The following NRXN1 variants were observed in gnomAD, a reference collection of about 807,000 sequenced individuals.
NRXN1 encodes neurexin 1.
NRXN1 carries 39 observed loss-of-function variants against 150.9 expected under a neutral mutation model. That is an observed-to-expected ratio of 0.26 (90% confidence interval 0.20 to 0.34). The LOEUF (loss-of-function observed/expected upper bound fraction) is 0.34. Ranked by LOEUF, NRXN1 falls within the 10% of genes least tolerant of loss-of-function variation. The probability of loss-of-function intolerance (pLI) is 1.00; values close to 1 mark genes in which losing one functional copy is unlikely to be tolerated. For missense variants in NRXN1, 1,815 were observed against 1,949.9 expected (o/e 0.93, Z 1.30); for synonymous variants, 924 against 757.0 (o/e 1.22, Z -3.62).
At chr2:50,578,297 C>G (rs1037918129) in intron 8 of NRXN1, among the ~76,000 whole-genome samples, 1 of 152,138 alleles carries the variant, frequency 6.6e-6, no homozygotes, top group African/African-American at 2.4e-5. Context: ...CGGAAAGGCT[C>G]AGTTCCAGAA....
intron 18 of NRXN1, among the ~76,000 whole-genome samples, chr2:50,130,907 C>T (rs779483548): frequency 6.6e-6 from 1 of 152,020 alleles, no homozygotes; most frequent in Non-Finnish European, 1.5e-5. Flanking sequence ...AATTCTTTTC[C>T]GGATGTAACG....
chr2:50,586,480 C>G (rs558743713), intron 8 of NRXN1, among the ~76,000 whole-genome samples: 5 of 151,582 alleles, frequency 3.3e-5, no homozygotes, highest in Non-Finnish European at 5.9e-5. Flanking sequence ...TATTGTATAC[C>G]GACCTATAAT....
At chr2:50,473,692 T>A in intron 15 of NRXN1, among the ~76,000 whole-genome samples, 1 of 152,072 alleles carries the variant, frequency 6.6e-6, no homozygotes, top group East Asian at 1.9e-4. Context: ...ACTGTTCACC[T>A]GGGTCCTTCT....
At chr2:50,315,174 T>A (rs2075496574) in intron 17 of NRXN1, among the ~76,000 whole-genome samples, 1 of 152,192 alleles carries the variant, frequency 6.6e-6, no homozygotes, top group South Asian at 2.1e-4. Flanking sequence ...TGTGAGCTTT[T>A]TTTTCCCCCT....
At chr2:50,404,798 GT>G (rs1392773707) in intron 17 of NRXN1, among the ~76,000 whole-genome samples, 1 of 152,080 alleles carries the variant, frequency 6.6e-6, no homozygotes, top group Non-Finnish European at 1.5e-5. Flanking sequence ...CAGTATAAGA[GT>G]TTTGACTCCC....
rs1453130667 is a variant in NRXN1, at chr2:50,266,008, T to A, written c.3365-29038A>T. On this transcript the variant is annotated intron_variant, in intron 17 of 22. Coordinates refer to ENST00000401669, the MANE Select transcript of NRXN1 (RefSeq NM_001330078.2). ...ATTATTATTATTATTATTTATTTTT[T>A]TTTTTTTTGAGATAGAGTCTCACTC... is the stretch of plus-strand genomic sequence containing the variant. 3.9e-4 allele frequency among the ~76,000 whole-genome samples: 56 copies of A among 145,096 alleles called. 1 individual carries two copies. Among genetic ancestry groups the A allele is most frequent in the South Asian group, 8.8e-4 (4 of 4,540 alleles).
chr2:50,947,378 T>A (rs888089480), intron 2 of NRXN1, among the ~76,000 whole-genome samples: 51 of 151,920 alleles, frequency 3.4e-4, no homozygotes, highest in African/African-American at 1.2e-3. Flanking sequence ...TTTAAAATAA[T>A]TTATATTGAA....
intron 17 of NRXN1, among the ~76,000 whole-genome samples, chr2:50,387,479 C>T (rs1166406379): frequency 6.6e-6 from 1 of 152,132 alleles, no homozygotes; most frequent in East Asian, 1.9e-4. Flanking sequence ...CAGTCAGTTT[C>T]ATTATGTCTC....
intron 5 of NRXN1, among the ~76,000 whole-genome samples, chr2:50,901,470 GAACT>G (rs1318077409): frequency 4.6e-5 from 7 of 152,150 alleles, no homozygotes; most frequent in Non-Finnish European, 8.8e-5. Context: ...CTAGGAGGTA[GAACT>G]TGCAGTGAGC....
chr2:50,283,921 G>C (rs1319641281), intron 17 of NRXN1, among the ~76,000 whole-genome samples: 1 of 152,044 alleles, frequency 6.6e-6, no homozygotes. Context: ...AAAACAAAAC[G>C]TAAAACATCT....
chr2:50,039,428 T>C (rs1039736769), intron 21 of NRXN1, among the ~76,000 whole-genome samples: 3 of 152,212 alleles, frequency 2.0e-5, no homozygotes, highest in Non-Finnish European at 4.4e-5. Context: ...ATCATGCCAC[T>C]GCACTGCAGC....
intron 17 of NRXN1, among the ~76,000 whole-genome samples, chr2:50,323,900 G>T (rs887045068): frequency 2.0e-5 from 3 of 152,148 alleles, no homozygotes; most frequent in Admixed American, 6.5e-5. Flanking sequence ...TCTAGGAAAG[G>T]GGGGTACCAA....
chr2:50,347,049 G>A lies in NRXN1; in HGVS notation c.3365-110079C>T, dbSNP rs1174005617. On this transcript the variant is annotated intron_variant, in intron 17 of 22. Coordinates refer to ENST00000401669, the MANE Select transcript of NRXN1 (RefSeq NM_001330078.2). This position sits in a 1 kb window ranked among gnomAD's most constrained non-coding sequence, Gnocchi z 4.9. The stretch of plus-strand genomic sequence containing the variant: ...GAGCGGGCGGCGCGGAGTGGGCTGA[G>A]GGGCCGGCCGCCTCACCGCGCCAGG... The A allele has an allele frequency of 1.5e-6, 2 of 1,378,150 alleles. No homozygotes were observed. Among genetic ancestry groups the A allele is most frequent in the Admixed American group, 2.2e-5 (1 of 44,542 alleles). The allele number at this position is 1,378,150 out of a possible 1,614,324, so 85.4% of individuals were successfully genotyped here. A position where few individuals can be genotyped will look rare whatever the true frequency, so the allele number is the denominator to read the frequency against.
At chr2:50,693,096 T>G (rs1692300035) in intron 5 of NRXN1, among the ~76,000 whole-genome samples, 1 of 152,170 alleles carries the variant, frequency 6.6e-6, no homozygotes, top group South Asian at 2.1e-4. Flanking sequence ...AAACCCATTT[T>G]GCTGCTGAAT....
intron 5 of NRXN1, among the ~76,000 whole-genome samples, chr2:50,650,269 T>C (rs1052101319): frequency 1.3e-5 from 2 of 152,076 alleles, no homozygotes; most frequent in African/African-American, 2.4e-5. Context: ...ACTGCCTTTA[T>C]ATACATGATA....
At position 50,347,728 on chromosome 2, in the gene NRXN1, C is replaced by CAGAAAA. The variant is rs529277898; in HGVS notation, c.3365-110764_3365-110759dup. ...CAGACGAAGGAGTAAGGGAGAGAAACAGAAAAAGAAAAAGAAAAAGAAAAA... is the reference window on the plus strand; with the variant it reads ...CAGACGAAGGAGTAAGGGAGAGAAACAGAAAAAGAAAAAGAAAAAGAAAAAGAAAAA... On this transcript the variant is annotated intron_variant, in intron 17 of 22. Transcript: ENST00000401669. The surrounding 1 kb of genome is among the most constrained non-coding windows in gnomAD (Gnocchi z 4.9). 73 of 986,148 alleles carry CAGAAAA rather than the reference C, an allele frequency of 7.4e-5. No individual in the cohort carries two copies. The highest frequency in any genetic ancestry group is 1.1e-4 in the East Asian group (1 of 8,810). 61.1% of individuals were successfully genotyped at this position (986,148 alleles called of 1,614,324 possible).
chr2:50,187,608 G>T (rs893211899), intron 18 of NRXN1, among the ~76,000 whole-genome samples: 4 of 151,962 alleles, frequency 2.6e-5, no homozygotes. Flanking sequence ...TTAAAGCAGA[G>T]TTTTTTTCTA....
chr2:50,718,871 CT>C (rs1696226500), intron 5 of NRXN1, among the ~76,000 whole-genome samples: 1 of 152,010 alleles, frequency 6.6e-6, no homozygotes, highest in Non-Finnish European at 1.5e-5. Context: ...TCTCTTCTCC[CT>C]TCTTTCTTTC....
chr2:49,961,087 G>C (rs1164540988), intron 21 of NRXN1, among the ~76,000 whole-genome samples: 1 of 151,846 alleles, frequency 6.6e-6, no homozygotes, highest in Non-Finnish European at 1.5e-5. Flanking sequence ...TGGATTTCTA[G>C]GGGTGTATGT....
Sources: allele counts gnomAD v4.1 joint callset (sites outside exome capture counted in the v4.1 genomes callset), GRCh38; gene constraint gnomAD v4.1.1; non-coding constraint Gnocchi (gnomAD v3.1); transcripts MANE v1.5; gene names NCBI Gene and HGNC (gene_info 2026-07-23, HGNC 2026-07-21).